Variants in PARP8 observed in about 807,000 individuals in gnomAD.
The protein encoded by PARP8 is poly(ADP-ribose) polymerase family member 8, also known as protein mono-ADP-ribosyltransferase PARP8.
A neutral mutation model predicts 124.1 loss-of-function variants in PARP8; 51 were observed. The ratio of observed to expected loss-of-function variants is 0.41; its 90% CI spans 0.33 to 0.52. The LOEUF (loss-of-function observed/expected upper bound fraction) is 0.52, where lower values mean the gene tolerates loss of function less well. PARP8 is among the 20% of genes least tolerant of loss of function. The probability of loss-of-function intolerance (pLI) is 0.21; values close to 1 mark genes in which losing one functional copy is unlikely to be tolerated. For missense variants in PARP8, 860 were observed against 1,018.9 expected, an observed-to-expected ratio of 0.84 and a Z score of 2.12; for synonymous variants, 391 against 361.5, an observed-to-expected ratio of 1.08 and a Z score of -0.93.
intron 2 of PARP8, among the ~76,000 whole-genome samples, chr5:50,704,733 A>G (rs534457346): frequency 6.6e-6 from 1 of 152,314 alleles, no homozygotes; most frequent in South Asian, 2.1e-4. Context: ...AATAAGGTAT[A>G]TTATTAAAAC....
intron 2 of PARP8, among the ~76,000 whole-genome samples, chr5:50,716,392 T>C (rs771506339): frequency 6.2e-4 from 94 of 152,122 alleles, no homozygotes; most frequent in Non-Finnish European, 1.2e-3. Context: ...GAAGGTGCTC[T>C]GCTGAGCTGA....
intron 2 of PARP8, among the ~76,000 whole-genome samples, chr5:50,677,727 C>A (rs1750798172): frequency 6.6e-6 from 1 of 152,010 alleles, no homozygotes; most frequent in Non-Finnish European, 1.5e-5. Context: ...CTTACATGTA[C>A]AGAATCCTTT....
At chr5:50,810,841 A>G (rs1268735128) in intron 14 of PARP8, among the ~76,000 whole-genome samples, 12 of 152,106 alleles carry the variant, frequency 7.9e-5, no homozygotes, top group African/African-American at 2.4e-4. Flanking sequence ...TCATTATTTT[A>G]AGAATTTACT....
chr5:50,668,384 C>T, intron 2 of PARP8: 1 of 461,422 alleles, frequency 2.2e-6, no homozygotes, highest in East Asian at 3.6e-5. Context: ...TGCTACAGTA[C>T]TAGATTGCTC....
intron 2 of PARP8, among the ~76,000 whole-genome samples, chr5:50,729,876 A>G (rs1315827059): frequency 6.6e-6 from 1 of 152,234 alleles, no homozygotes; most frequent in Non-Finnish European, 1.5e-5. Flanking sequence ...CTTGGCCTTG[A>G]AACATTTTCT....
chr5:50,779,008 A>G (rs1740355857), intron 9 of PARP8, among the ~76,000 whole-genome samples: 1 of 152,176 alleles, frequency 6.6e-6, no homozygotes, highest in South Asian at 2.1e-4. Context: ...TTTTAATGCA[A>G]TATAAATTCT....
intron 14 of PARP8, among the ~76,000 whole-genome samples, chr5:50,808,749 T>C (rs1382779444): frequency 6.6e-6 from 1 of 152,034 alleles, no homozygotes; most frequent in African/African-American, 2.4e-5. Context: ...TCCCAAGATT[T>C]GATTCTGTTT....
At chr5:50,826,079 C>G (rs968333632) in intron 18 of PARP8, among the ~76,000 whole-genome samples, 1 of 151,970 alleles carries the variant, frequency 6.6e-6, no homozygotes, top group South Asian at 2.1e-4. Flanking sequence ...TTGCATATAT[C>G]TAGTTGCTTT....
chr5:50,732,981 C>T (rs1203983513), intron 2 of PARP8, among the ~76,000 whole-genome samples: 1 of 151,186 alleles, frequency 6.6e-6, no homozygotes, highest in Non-Finnish European at 1.5e-5. Flanking sequence ...TTTTTTATTT[C>T]TCATCTGTGG....
intron 21 of PARP8, among the ~76,000 whole-genome samples, chr5:50,829,428 G>C (rs1746703103): frequency 6.6e-6 from 1 of 152,132 alleles, no homozygotes. Flanking sequence ...AAATTTAGTT[G>C]ATCTGAGTAT....
intron 7 of PARP8, among the ~76,000 whole-genome samples, chr5:50,768,033 G>T (rs1255442544): frequency 6.6e-6 from 1 of 151,978 alleles, no homozygotes; most frequent in African/African-American, 2.4e-5. Context: ...GTGTGTGTGT[G>T]TTCCCTGACA....
chr5:50,678,344 G>C (rs1750872599), intron 2 of PARP8, among the ~76,000 whole-genome samples: 1 of 152,168 alleles, frequency 6.6e-6, no homozygotes, highest in Admixed American at 6.5e-5. Flanking sequence ...ATGTGTTTGT[G>C]TGTGTCTGTC....
chr5:50,723,857 G>A (rs1234021229), intron 2 of PARP8, among the ~76,000 whole-genome samples: 1 of 152,152 alleles, frequency 6.6e-6, no homozygotes, highest in East Asian at 1.9e-4. Flanking sequence ...TTTTAAATTC[G>A]TGAGGCATTG....
intron 2 of PARP8, among the ~76,000 whole-genome samples, chr5:50,748,677 C>T (rs888861569): frequency 1.3e-5 from 2 of 152,158 alleles, no homozygotes; most frequent in Non-Finnish European, 2.9e-5. Context: ...CTCCTCCCCT[C>T]CCCAAAAGTC....
intron 10 of PARP8, among the ~76,000 whole-genome samples, chr5:50,789,067 C>T (rs945102623): frequency 2.6e-5 from 4 of 152,126 alleles, no homozygotes; most frequent in African/African-American, 4.8e-5. Flanking sequence ...CTGCTCATTC[C>T]TTGGGGCCCA....
At chr5:50,695,683 T>C (rs1752947973) in intron 2 of PARP8, among the ~76,000 whole-genome samples, 1 of 104,164 alleles carries the variant, frequency 9.6e-6, no homozygotes, top group Admixed American at 1.0e-4. Flanking sequence ...TTTCTAAATT[T>C]TTTTCTAATA....
At chr5:50,765,153 C>A (rs1311469940) in intron 7 of PARP8, among the ~76,000 whole-genome samples, 1 of 151,410 alleles carries the variant, frequency 6.6e-6, no homozygotes, top group Admixed American at 6.6e-5. Context: ...CCCAGCTACT[C>A]GAGAAGGCTG....
chr5:50,770,307 A>AG (rs1428842859), intron 7 of PARP8, among the ~76,000 whole-genome samples: 1 of 152,186 alleles, frequency 6.6e-6, no homozygotes, highest in Non-Finnish European at 1.5e-5. Flanking sequence ...GGTTGTAGAC[A>AG]GGGCCCCTTC....
intron 3 of PARP8, among the ~76,000 whole-genome samples, chr5:50,758,712 T>A (rs1175266138): frequency 6.6e-6 from 1 of 152,122 alleles, no homozygotes; most frequent in Non-Finnish European, 1.5e-5. Context: ...ATTGATGAAG[T>A]GTGGGTCAAA....
Sources: allele counts gnomAD v4.1 joint callset (sites outside exome capture counted in the v4.1 genomes callset), GRCh38; gene constraint gnomAD v4.1.1; transcripts MANE v1.5; gene names NCBI Gene and HGNC (gene_info 2026-07-23, HGNC 2026-07-21).